The following INTS7 variants were observed in gnomAD, a reference collection of about 807,000 sequenced individuals.
The protein encoded by INTS7 is integrator complex subunit 7, also known as chromosome 1 open reading frame 73.
In INTS7, 46 loss-of-function variants were observed where a neutral mutation model predicts 109.2. That is an observed-to-expected ratio of 0.42 (90% CI 0.33 to 0.54). The LOEUF (loss-of-function observed/expected upper bound fraction) is 0.54. INTS7 is among the 20% of genes least tolerant of loss of function. The probability of loss-of-function intolerance (pLI) is 0.07; values close to 1 mark genes in which losing one functional copy is unlikely to be tolerated. For missense variants in INTS7, 929 were observed against 1,132.4 expected (o/e 0.82, Z 2.58); for synonymous variants, 412 against 402.9 (o/e 1.02, Z -0.27).
At chr1:211,986,458 T>C (rs1302598657) in intron 8 of INTS7, among the ~76,000 whole-genome samples, 8 of 152,090 alleles carry the variant, frequency 5.3e-5, no homozygotes, top group Non-Finnish European at 1.2e-4. Flanking sequence ...CTGGAAAGCC[T>C]GCAAAACTAA....
At chr1:211,991,074 T>C (rs1416180089) in intron 7 of INTS7, among the ~76,000 whole-genome samples, 2 of 152,144 alleles carry the variant, frequency 1.3e-5, no homozygotes, top group East Asian at 1.9e-4. Context: ...ACAGACATTT[T>C]AAAAGAGATT....
intron 1 of INTS7, among the ~76,000 whole-genome samples, chr1:212,028,180 C>T (rs529056476): frequency 7.2e-5 from 11 of 152,186 alleles, no homozygotes; most frequent in Non-Finnish European, 1.5e-4. Flanking sequence ...TTTAACTAGC[C>T]TGCCCACACT....
At chr1:211,993,309 A>C (rs1040878846) in intron 7 of INTS7, among the ~76,000 whole-genome samples, 1 of 152,264 alleles carries the variant, frequency 6.6e-6, no homozygotes, top group African/African-American at 2.4e-5. Flanking sequence ...AATAAAATTT[A>C]CATCTTTGAG....
At chr1:211,965,202 A>T (rs558639679) in intron 16 of INTS7, among the ~76,000 whole-genome samples, 1 of 152,224 alleles carries the variant, frequency 6.6e-6, no homozygotes, top group Non-Finnish European at 1.5e-5. Flanking sequence ...AAAAAAACTC[A>T]ACATCGCTGA....
rs995186245 is a variant in INTS7 at position 211,978,659 on chromosome 1, C to G, written c.1231-148G>C. 7.5e-6 allele frequency: 6 copies of G among 801,000 alleles called. No individual in the cohort carries two copies. The African/African-American group carries it at 8.7e-5, about 12-fold the overall frequency. The allele number at this position is 801,000 out of a possible 1,614,324, so 49.6% of individuals were successfully genotyped here. On this transcript the variant is annotated intron_variant, in intron 10 of 19. Transcript: ENST00000366994. ...TTTACTTCATAAGAAATATGAGGTA[C>G]TGAATCTCACATTAGGGTTTGTGAA...
At chr1:211,997,408 T>C (rs895311909) in intron 7 of INTS7, among the ~76,000 whole-genome samples, 1 of 151,016 alleles carries the variant, frequency 6.6e-6, no homozygotes, top group Non-Finnish European at 1.5e-5. Flanking sequence ...TGGTGGCGTG[T>C]ACCTGTAGTC....
At chr1:212,026,541 A>G (rs1342899995) in intron 1 of INTS7, among the ~76,000 whole-genome samples, 1 of 150,424 alleles carries the variant, frequency 6.6e-6, no homozygotes, top group African/African-American at 2.5e-5. Flanking sequence ...AAAAGGGATA[A>G]TTCTAAGTAG....
At chr1:212,015,761 C>CAAAA (rs149829179) in intron 4 of INTS7, among the ~76,000 whole-genome samples, 3,617 of 92,072 alleles carry the variant, frequency 0.039, 56 homozygotes, top group African/African-American at 0.07. Context: ...TTTCAGGATT[C>CAAAA]AAAAAATTTA....
intron 9 of INTS7, among the ~76,000 whole-genome samples, chr1:211,982,389 C>T (rs1036682288): frequency 6.6e-6 from 1 of 152,108 alleles, no homozygotes. Context: ...CCTAAGCAAT[C>T]TTTATCCACC....
intron 4 of INTS7, among the ~76,000 whole-genome samples, chr1:212,015,376 G>A (rs1160161497): frequency 2.6e-5 from 4 of 152,154 alleles, no homozygotes; most frequent in South Asian, 2.1e-4. Context: ...AAATTCTTCT[G>A]CCTTGGGATG....
chr1:211,977,532 T>C (rs999313124), intron 11 of INTS7, among the ~76,000 whole-genome samples: 5 of 152,258 alleles, frequency 3.3e-5, no homozygotes, highest in African/African-American at 9.6e-5. Flanking sequence ...GTCAATCTTT[T>C]ACACAATTCC....
intron 16 of INTS7, among the ~76,000 whole-genome samples, chr1:211,953,626 C>T (rs1233883320): frequency 6.8e-6 from 1 of 147,764 alleles, no homozygotes; most frequent in East Asian, 2.0e-4. Context: ...GTTCAACTCC[C>T]ACCTATGAGT....
At position 211,970,409 on chromosome 1, in the gene INTS7, T is replaced by C. The variant is rs182548401; in HGVS notation, c.1816-1702A>G. ...GAGGCATAGTGAAAATTTTCCTCTA[T>C]GACATGACACACTTAAAACACGCTG... On this transcript the variant is annotated intron_variant, in intron 13 of 19. Coordinates refer to ENST00000366994, the MANE Select transcript of INTS7 (RefSeq NM_015434.4). Among the ~76,000 whole-genome samples, 205 of 152,346 alleles carry C rather than the reference T, an allele frequency of 1.3e-3. 1 individual carries two copies. The highest frequency in any genetic ancestry group is 4.6e-3 in the African/African-American group (190 of 41,578).
chr1:211,995,776 G>A (rs1478440057), intron 7 of INTS7, among the ~76,000 whole-genome samples: 1 of 152,128 alleles, frequency 6.6e-6, no homozygotes, highest in African/African-American at 2.4e-5. Context: ...TCATGAATGG[G>A]GTAAGTAACC....
intron 1 of INTS7, among the ~76,000 whole-genome samples, chr1:212,027,096 A>G (rs1666957723): frequency 6.6e-6 from 1 of 152,186 alleles, no homozygotes. Context: ...CCTCTTCTGT[A>G]TTTTCTGATG....
At chr1:212,011,531 C>T in intron 4 of INTS7, 110 bp from the exon 5 acceptor site, 2 of 701,338 alleles carry the variant, frequency 2.9e-6, no homozygotes, top group South Asian at 1.8e-5. Context: ...ATATTCCAAA[C>T]TGCAACTAAT....
intron 8 of INTS7, among the ~76,000 whole-genome samples, chr1:211,983,261 C>T (rs1201607716): frequency 6.6e-6 from 1 of 151,690 alleles, no homozygotes; most frequent in Non-Finnish European, 1.5e-5. Flanking sequence ...CATATGAATT[C>T]GTGATTGTAG....
At chr1:211,958,705 T>G (rs1228596615) in intron 16 of INTS7, among the ~76,000 whole-genome samples, 1 of 152,200 alleles carries the variant, frequency 6.6e-6, no homozygotes, top group Non-Finnish European at 1.5e-5. Context: ...TTTTCAGCCT[T>G]TTTTCTTCCT....
At chr1:212,023,675 T>C (rs934954899) in intron 1 of INTS7, among the ~76,000 whole-genome samples, 2 of 152,218 alleles carry the variant, frequency 1.3e-5, no homozygotes, top group Non-Finnish European at 2.9e-5. Context: ...TTGCAAATAT[T>C]TTCTCCCATT....
Sources: allele counts gnomAD v4.1 joint callset (sites outside exome capture counted in the v4.1 genomes callset), GRCh38; gene constraint gnomAD v4.1.1; transcripts MANE v1.5; gene names NCBI Gene and HGNC (gene_info 2026-07-23, HGNC 2026-07-21).